The following PER2 variants were observed in gnomAD, a reference collection of about 807,000 sequenced individuals.
PER2 encodes period circadian protein homolog 2.
Under a neutral mutation model 121.0 loss-of-function variants are expected in PER2, and 66 were observed. The ratio of observed to expected loss-of-function variants is 0.55; its 90% CI spans 0.45 to 0.67. The LOEUF (loss-of-function observed/expected upper bound fraction) is 0.67. PER2 is among the 30% of genes least tolerant of loss of function. PER2 has a pLI of 0.00. For synonymous variants in PER2, 684 were observed against 659.9 expected, an observed-to-expected ratio of 1.04 and a Z score of -0.56; for missense variants, 1,521 against 1,635.0, an observed-to-expected ratio of 0.93 and a Z score of 1.20.
intron 1 of PER2, among the ~76,000 whole-genome samples, chr2:238,280,030 C>T (rs1348871088): frequency 6.6e-6 from 1 of 152,198 alleles, no homozygotes; most frequent in African/African-American, 2.4e-5. Context: ...AGAACGGACA[C>T]AGGAACAGAA....
chr2:238,261,650 C>G, intron 12 of PER2, 79 bp downstream of exon 12: 1 of 889,850 alleles, frequency 1.1e-6, no homozygotes, highest in Non-Finnish European at 1.8e-6. Context: ...GTGCCAGGAC[C>G]AGGGTTCAGA....
At chr2:238,258,931 G>A (rs1297099409) in intron 14 of PER2, among the ~76,000 whole-genome samples, 1 of 152,150 alleles carries the variant, frequency 6.6e-6, no homozygotes, top group Non-Finnish European at 1.5e-5. Context: ...GTGGGAGACA[G>A]CAGTTCTCAC....
intron 1 of PER2, among the ~76,000 whole-genome samples, chr2:238,284,395 T>C (rs931388725): frequency 6.7e-5 from 10 of 148,674 alleles, no homozygotes; most frequent in African/African-American, 2.0e-4. Context: ...TAAGCCAAGA[T>C]TGCACCACTG....
chr2:238,258,464 A>C (rs1435930910), intron 15 of PER2, 33 bp downstream of exon 15: 1 of 1,614,108 alleles, frequency 6.2e-7, no homozygotes, highest in South Asian at 1.1e-5. Context: ...GGTGTGTGAG[A>C]TGGTGGAGAC....
At chr2:238,292,053 G>A (rs941940341), upstream of PER2, among the ~76,000 whole-genome samples, 5 of 152,322 alleles carry the variant, frequency 3.3e-5, no homozygotes, top group Non-Finnish European at 7.4e-5. Context: ...AGCCACTTGG[G>A]AGGCTGAGGC....
chr2:238,261,448 C>T lies in PER2; in HGVS notation c.1416+281G>A, dbSNP rs142432599. 2.0e-3 allele frequency: 1,017 copies of T among 503,422 alleles called. 5 individuals carry two copies. The highest frequency in any genetic ancestry group is 0.018 in the African/African-American group (912 of 51,978). 31.2% of individuals were successfully genotyped at this position (503,422 alleles called of 1,614,324 possible). ...ACTGAGAGGTCACTCTGGAACTATG[C>T]AGCCTGTGTCAGAGCACGGGGTCTG... On this transcript the variant is annotated intron_variant, in intron 12 of 22. Coordinates refer to ENST00000254657, the MANE Select transcript of PER2 (RefSeq NM_022817.3).
chr2:238,261,820 T>A lies in PER2; in HGVS notation c.1325A>T (p.Asp442Val). 1 of 1,567,536 alleles carries A rather than the reference T, an allele frequency of 6.4e-7. No homozygotes were observed. Among genetic ancestry groups the A allele is most frequent in the Non-Finnish European group, 8.7e-7 (1 of 1,155,124 alleles). ...HKVRVGPLNE[D>V]VFAAHPCTEE... ...TGTGCAGGGGTGGGCTGCAAACACGTCCTCATTCAAAGGGCCCCTGCGTGG... is the reference window on the plus strand; with the variant it reads ...TGTGCAGGGGTGGGCTGCAAACACGACCTCATTCAAAGGGCCCCTGCGTGG... The change falls in exon 12 of 23, where the codon GAC becomes GTC. Residue 442 changes from aspartate to valine, a missense_variant. Physicochemically the swap from Asp to Val is radical, Grantham distance 152. Transcript: ENST00000254657.
At chr2:238,250,847 CTTCT>C in intron 20 of PER2, 104 bp from the exon 21 acceptor site, 5 of 786,178 alleles carry the variant, frequency 6.4e-6, no homozygotes, top group Non-Finnish European at 1.1e-5. Context: ...AGCCCAGTGC[CTTCT>C]TAGGTATTGG....
At chr2:238,248,616 A>G (rs995226622) in intron 22 of PER2, among the ~76,000 whole-genome samples, 1 of 151,952 alleles carries the variant, frequency 6.6e-6, no homozygotes, top group Admixed American at 6.6e-5. Context: ...AAGTGGACCT[A>G]GTGCTGTGCC....
intron 13 of PER2, among the ~76,000 whole-genome samples, chr2:238,260,259 ATT>A (rs374038428): frequency 1.6e-4 from 23 of 144,000 alleles, no homozygotes; most frequent in African/African-American, 4.8e-4. Flanking sequence ...GGCACATTAC[ATT>A]TTTTTTTTTT....
chr2:238,258,657 CA>C lies in PER2; in HGVS notation c.1628-14del. The C allele has an allele frequency of 1.2e-6, 2 of 1,613,242 alleles. No homozygotes were observed. The highest frequency in any genetic ancestry group is 1.7e-6 in the Non-Finnish European group (2 of 1,179,512). ...TTAGTTTGCATTTCTGAAGGAATGGCAAAATTGTTCTTTCATTCATTTTTCT... is the reference window on the plus strand; with the variant it reads ...TTAGTTTGCATTTCTGAAGGAATGGCAAATTGTTCTTTCATTCATTTTTCT... On this transcript the variant is annotated splice_polypyrimidine_tract_variant and intron_variant, in intron 14 of 22. Coordinates refer to ENST00000254657, the MANE Select transcript of PER2 (RefSeq NM_022817.3).
intron 20 of PER2, among the ~76,000 whole-genome samples, chr2:238,251,132 G>A (rs1695585832): frequency 6.6e-6 from 1 of 152,264 alleles, no homozygotes; most frequent in African/African-American, 2.4e-5. Context: ...CAGCACGCCT[G>A]CGAAGGGAGG....
intron 9 of PER2, 92 bp from the exon 10 acceptor site, chr2:238,263,150 T>C (rs969484844): frequency 6.1e-6 from 5 of 822,664 alleles, no homozygotes; most frequent in East Asian, 5.3e-5. Context: ...AAAGAGAAGA[T>C]ACACTCCAAA....
chr2:238,279,440 G>A (rs138735010), intron 1 of PER2, among the ~76,000 whole-genome samples: 1 of 152,304 alleles, frequency 6.6e-6, no homozygotes, highest in Non-Finnish European at 1.5e-5. Context: ...TGACAGCCCT[G>A]GATTCCAGGC....
At chr2:238,279,662 T>C (rs973382523) in intron 1 of PER2, among the ~76,000 whole-genome samples, 8 of 152,282 alleles carry the variant, frequency 5.3e-5, no homozygotes, top group South Asian at 4.1e-4. Context: ...TTGTGAAACA[T>C]CTTATGCTCC....
chr2:238,258,301 T>A lies in PER2; in HGVS notation c.1875A>T (p.Thr625=). 2 of 1,614,230 alleles carry A rather than the reference T, an allele frequency of 1.2e-6. No homozygotes were observed. Among genetic ancestry groups the A allele is most frequent in the Non-Finnish European group, 1.7e-6 (2 of 1,180,026 alleles). ...ALRSSDKRKA[T]VSPGPHAGEA... is the part of the protein sequence containing the mutation. The stretch of plus-strand genomic sequence containing the variant: ...CTCCAGCGTGTGGCCCTGGGCTGAC[T>A]GTGGCCTTCCGCTTATCACTGGACC... Residue 625 remains threonine (T), a synonymous_variant, in exon 16 of 23, where the codon ACA becomes ACT. Coordinates refer to ENST00000254657, the MANE Select transcript of PER2 (RefSeq NM_022817.3).
chr2:238,274,249 C>T (rs1003912885), intron 4 of PER2, among the ~76,000 whole-genome samples: 6 of 152,242 alleles, frequency 3.9e-5, no homozygotes, highest in Non-Finnish European at 5.9e-5. Flanking sequence ...ATGGCCACAG[C>T]GGCCCTCACT....
intron 9 of PER2, among the ~76,000 whole-genome samples, 178 bp from the exon 10 acceptor site, chr2:238,263,236 C>T (rs767341243): frequency 2.9e-4 from 39 of 135,532 alleles, no homozygotes; most frequent in Non-Finnish European, 5.4e-4. Flanking sequence ...CAATAGCAAA[C>T]GAAGGTTCAC....
rs1179924033 is a variant in PER2 at position 238,250,701 on chromosome 2, A to G, written c.3317T>C (p.Ile1106Thr). The change falls in exon 21 of 23, where the codon ATT becomes ACT. Residue 1106 changes from isoleucine to threonine, a missense_variant. Physicochemically the swap from Ile to Thr is moderately conservative, Grantham distance 89. Coordinates refer to ENST00000254657, the MANE Select transcript of PER2 (RefSeq NM_022817.3). ...TSHTSKYFGSIDSSENNHKAK... is the reference protein window; with the variant it reads ...TSHTSKYFGSTDSSENNHKAK... The stretch of plus-strand genomic sequence containing the variant: ...TTTGTGATTATTCTCTGAGGAGTCA[A>G]TGCTTCCAAAATATTTGCTGGTATG... The G allele has an allele frequency of 4.3e-6, 7 of 1,613,912 alleles. No homozygotes were observed. Among genetic ancestry groups the G allele is most frequent in the Non-Finnish European group, 5.9e-6 (7 of 1,179,868 alleles).
Sources: allele counts gnomAD v4.1 joint callset (sites outside exome capture counted in the v4.1 genomes callset), GRCh38; gene constraint gnomAD v4.1.1; transcripts MANE v1.5; gene names NCBI Gene and HGNC (gene_info 2026-07-23, HGNC 2026-07-21).